Variants in RNF220 observed in about 807,000 individuals in gnomAD.
The protein encoded by RNF220 is ring finger protein 220.
Under a neutral mutation model 67.1 loss-of-function variants are expected in RNF220, and 7 were observed. The observed-to-expected ratio is 0.10, with a 90% CI of 0.06 to 0.20. The LOEUF (loss-of-function observed/expected upper bound fraction) is 0.20. Among genes scored for constraint, RNF220 ranks in the 10% least tolerant of loss-of-function variants. The pLI is 1.00. For missense variants in RNF220, 565 were observed against 740.3 expected, an observed-to-expected ratio of 0.76 and a Z score of 2.75; for synonymous variants, 270 against 283.2, an observed-to-expected ratio of 0.95 and a Z score of 0.47.
rs531941636 is a variant in RNF220, at chr1:44,565,570, C to G, written c.626-48595C>G. Reference sequence around the variant, plus strand: ...ACACAATTACCCCTTCCTTCTCCCTCAGCCCAGGCAAGGGGGAGGTTGCAT... The same window carrying G: ...ACACAATTACCCCTTCCTTCTCCCTGAGCCCAGGCAAGGGGGAGGTTGCAT... On this transcript the variant is annotated intron_variant, in intron 2 of 14. Transcript: ENST00000361799. This position sits in a 1 kb window ranked among gnomAD's most constrained non-coding sequence, Gnocchi z 4.2. 3.3e-5 allele frequency among the ~76,000 whole-genome samples: 5 copies of G among 152,330 alleles called. No homozygotes were observed. In the East Asian group the frequency reaches 7.7e-4, roughly 24 times the overall value.
At chr1:44,518,381 C>T (rs1272828373) in intron 2 of RNF220, among the ~76,000 whole-genome samples, 1 of 152,048 alleles carries the variant, frequency 6.6e-6, no homozygotes, top group Non-Finnish European at 1.5e-5. Context: ...GCTATGATCA[C>T]CCCACTGCAC....
chr1:44,470,141 G>A (rs1310519516), intron 2 of RNF220, among the ~76,000 whole-genome samples: 23 of 152,226 alleles, frequency 1.5e-4, no homozygotes. Flanking sequence ...GACCACCATG[G>A]TAGAAGTAGA....
intron 2 of RNF220, among the ~76,000 whole-genome samples, chr1:44,434,430 TG>T (rs1650729517): frequency 6.6e-6 from 1 of 152,104 alleles, no homozygotes; most frequent in African/African-American, 2.4e-5. Flanking sequence ...TACTTTGGGC[TG>T]GGCGCGGTGG....
At chr1:44,564,232 C>G (rs573883984) in intron 2 of RNF220, among the ~76,000 whole-genome samples, 1 of 152,254 alleles carries the variant, frequency 6.6e-6, no homozygotes, top group African/African-American at 2.4e-5. Context: ...TCACTGCCAC[C>G]CTTATTCAGA....
Position 44,651,117 on chromosome 1 carries a change from A to G in RNF220, c.*342A>G, listed in dbSNP as rs1275040395. 3 of 386,114 alleles carry G rather than the reference A, an allele frequency of 7.8e-6. No individual in the cohort carries two copies. The highest frequency in any genetic ancestry group is 6.2e-5 in the African/African-American group (3 of 48,700). The allele number at this position is 386,114 out of a possible 1,614,324, so 23.9% of individuals were successfully genotyped here. A position where few individuals can be genotyped will look rare whatever the true frequency, so the allele number is the denominator to read the frequency against. ...CATACTGACAGACGGACAGACAGACATGCAAACACCAGACTGAAGCACATG... is the reference window on the plus strand; with the variant it reads ...CATACTGACAGACGGACAGACAGACGTGCAAACACCAGACTGAAGCACATG... On this transcript the variant is annotated 3_prime_UTR_variant, in exon 15 of 15. Transcript: ENST00000361799.
intron 1 of RNF220, among the ~76,000 whole-genome samples, chr1:44,405,771 G>T (rs2147785100): frequency 1.4e-5 from 2 of 146,214 alleles, no homozygotes. Context: ...CAAACTTTCC[G>T]TCTTGAGTTT....
At position 44,466,112 on chromosome 1, in the gene RNF220, C is replaced by G. The variant is rs186464190; in HGVS notation, c.625+53390C>G. On this transcript the variant is annotated intron_variant, in intron 2 of 14. Transcript: ENST00000361799. Reference sequence around the variant, plus strand: ...TCAATCTCTGCCACTACTTTATCAACTAAGTTTATGTAAGATTCTAAATTC... The same window carrying G: ...TCAATCTCTGCCACTACTTTATCAAGTAAGTTTATGTAAGATTCTAAATTC... 6.8e-4 allele frequency among the ~76,000 whole-genome samples: 104 copies of G among 152,308 alleles called. 4 individuals are homozygous for G. Among genetic ancestry groups the G allele is most frequent in the Admixed American group, 5.9e-3 (90 of 15,312 alleles).
chr1:44,468,439 G>A (rs1314751736), intron 2 of RNF220, among the ~76,000 whole-genome samples: 1 of 152,170 alleles, frequency 6.6e-6, no homozygotes, highest in Non-Finnish European at 1.5e-5. Flanking sequence ...TGTGTGTGTT[G>A]TAGGAAGATA....
At chr1:44,573,353 C>G (rs557130711) in intron 2 of RNF220, among the ~76,000 whole-genome samples, 1 of 152,312 alleles carries the variant, frequency 6.6e-6, no homozygotes, top group East Asian at 1.9e-4. Flanking sequence ...CCATGGAATG[C>G]TGCATCCAGA....
chr1:44,553,864 T>G (rs1662865307), intron 2 of RNF220, among the ~76,000 whole-genome samples: 1 of 152,108 alleles, frequency 6.6e-6, no homozygotes. Flanking sequence ...TTACTACCCC[T>G]GGGATTGAAG....
At chr1:44,571,010 G>A (rs975899554) in intron 2 of RNF220, among the ~76,000 whole-genome samples, 28 of 151,668 alleles carry the variant, frequency 1.8e-4, no homozygotes, top group African/African-American at 6.8e-4. Flanking sequence ...GGAGGCAGAG[G>A]TTGCAGTGCA....
chr1:44,490,231 G>A (rs147086684), intron 2 of RNF220, among the ~76,000 whole-genome samples: 2,717 of 152,228 alleles, frequency 0.018, 34 homozygotes, highest in Non-Finnish European at 0.031. Context: ...CACTTTGGGA[G>A]GCCGAGGCAG....
At chr1:44,613,241 A>G (rs1480347893) in intron 2 of RNF220, among the ~76,000 whole-genome samples, 1 of 148,074 alleles carries the variant, frequency 6.8e-6, no homozygotes, top group Non-Finnish European at 1.5e-5. Flanking sequence ...GGGCTCCTCA[A>G]CCCCACTCCT....
intron 2 of RNF220, among the ~76,000 whole-genome samples, chr1:44,595,364 C>T (rs1304319509): frequency 1.3e-5 from 2 of 152,210 alleles, no homozygotes; most frequent in Admixed American, 6.5e-5. Flanking sequence ...CGCCCGGGCC[C>T]TGTGGTCCAT....
chr1:44,421,033 G>A (rs930285605), intron 2 of RNF220, among the ~76,000 whole-genome samples: 3 of 152,192 alleles, frequency 2.0e-5, no homozygotes, highest in African/African-American at 7.2e-5. Flanking sequence ...AGGCTTGAAA[G>A]CCCTTTTCTG....
intron 2 of RNF220, among the ~76,000 whole-genome samples, chr1:44,483,502 G>A (rs941900938): frequency 2.6e-5 from 4 of 152,290 alleles, no homozygotes; most frequent in African/African-American, 9.6e-5. Context: ...AGTGCTTTGT[G>A]CTCATTCATT....
intron 2 of RNF220, among the ~76,000 whole-genome samples, chr1:44,597,480 A>G (rs1387765730): frequency 1.8e-5 from 2 of 108,756 alleles, no homozygotes; most frequent in Non-Finnish European, 3.3e-5. Flanking sequence ...ACACACACAC[A>G]CACACACACA....
At chr1:44,459,195 T>A (rs188217882) in intron 2 of RNF220, among the ~76,000 whole-genome samples, 2 of 152,254 alleles carry the variant, frequency 1.3e-5, no homozygotes, top group South Asian at 2.1e-4. Context: ...GGTTTTTTTT[T>A]AATTTCAAGG....
At chr1:44,601,125 A>C (rs1184925393) in intron 2 of RNF220, among the ~76,000 whole-genome samples, 1 of 152,218 alleles carries the variant, frequency 6.6e-6, no homozygotes, top group South Asian at 2.1e-4. Flanking sequence ...TGCCTAGCAC[A>C]TGGAAGGCAC....
Sources: gnomAD v4.1 joint callset for allele counts (sites outside exome capture counted in the v4.1 genomes callset) on GRCh38, gnomAD v4.1.1 for gene constraint, Gnocchi (gnomAD v3.1) non-coding constraint, MANE v1.5 for transcripts, NCBI Gene and HGNC (gene_info 2026-07-23, HGNC 2026-07-21) for gene names.